CFAP251: variants seen among roughly 807,000 people sequenced by gnomAD.
The protein encoded by CFAP251 is cilia- and flagella-associated protein 251.
CFAP251 carries 93 observed loss-of-function variants against 126.7 expected under a neutral mutation model. The ratio of observed to expected loss-of-function variants is 0.73; its 90% confidence interval spans 0.62 to 0.87. The LOEUF (loss-of-function observed/expected upper bound fraction) is 0.87, where lower values mean the gene tolerates loss of function less well. CFAP251 is among the 40% of genes least tolerant of loss of function. CFAP251 has a pLI of 0.00. For missense variants in CFAP251, 1,287 were observed against 1,389.2 expected, an observed-to-expected ratio of 0.93 and a Z score of 1.17; for synonymous variants, 503 against 506.9, an observed-to-expected ratio of 0.99 and a Z score of 0.10.
chr12:121,929,816 T>C (rs1291047460), intron 3 of CFAP251, among the ~76,000 whole-genome samples: 7 of 152,072 alleles, frequency 4.6e-5, no homozygotes, highest in Non-Finnish European at 1.0e-4. Flanking sequence ...TAGCTGGGAT[T>C]ACAGGCATGC....
intron 19 of CFAP251, among the ~76,000 whole-genome samples, chr12:121,996,489 A>C (rs1455129865): frequency 6.6e-6 from 1 of 152,020 alleles, no homozygotes; most frequent in Non-Finnish European, 1.5e-5. Context: ...TTGTTTCTTT[A>C]TTTATTATAT....
At chr12:121,975,754 C>G (rs1176615590) in intron 19 of CFAP251, 69 bp downstream of exon 19, 1 of 1,488,168 alleles carries the variant, frequency 6.7e-7, no homozygotes, top group South Asian at 1.4e-5. Flanking sequence ...TGGGAACAAT[C>G]ATTATAGGTC....
At chr12:121,965,216 A>C (rs1386752803) in intron 15 of CFAP251, among the ~76,000 whole-genome samples, 2 of 152,254 alleles carry the variant, frequency 1.3e-5, no homozygotes, top group Admixed American at 6.5e-5. Flanking sequence ...CTAGTATGTC[A>C]AAGATGCAAA....
intron 13 of CFAP251, 94 bp downstream of exon 13, chr12:121,959,188 A>G (rs1881839908): frequency 6.9e-6 from 9 of 1,306,002 alleles, no homozygotes; most frequent in Admixed American, 5.1e-5. Flanking sequence ...TGTAATCCCA[A>G]TGATTTGGGA....
chr12:121,992,494 CG>C, intron 19 of CFAP251: 2 of 985,226 alleles, frequency 2.0e-6, no homozygotes, highest in Non-Finnish European at 2.4e-6. Context: ...TTCCTTTTGT[CG>C]TCTTAGTCTC....
chr12:121,995,405 AAC>A (rs1883000106), intron 19 of CFAP251, among the ~76,000 whole-genome samples: 1 of 152,256 alleles, frequency 6.6e-6, no homozygotes, highest in Non-Finnish European at 1.5e-5. Flanking sequence ...CTGTATATGA[AAC>A]AGTGTTACCA....
intron 3 of CFAP251, among the ~76,000 whole-genome samples, chr12:121,928,708 T>A (rs866342193): frequency 1.3e-4 from 16 of 127,416 alleles, no homozygotes; most frequent in Admixed American, 1.0e-3. Flanking sequence ...ATATATATTT[T>A]TTTTTTGAGA....
At position 121,975,559 on chromosome 12, in the gene CFAP251, C is replaced by T; in HGVS notation, c.2880C>T (p.Phe960=). The T allele has an allele frequency of 4.4e-6, 7 of 1,608,578 alleles. No homozygotes were observed. The highest frequency in any genetic ancestry group is 5.9e-6 in the Non-Finnish European group (7 of 1,178,700). The change falls in exon 19 of 22, where the codon TTC becomes TTT. Residue 960 remains phenylalanine, a synonymous_variant. Coordinates refer to ENST00000288912, the MANE Select transcript of CFAP251 (RefSeq NM_144668.6). The stretch of plus-strand genomic sequence containing the variant: ...CTACATAGGAGCTAGAAGACTACTT[C>T]TACTATTCTCAGCTCCGCAGTCAAG... ...GKFYRELEDY[F]YYSQLRSQGI... is the part of the protein sequence containing the mutation.
chr12:121,958,495 G>A lies in CFAP251; in HGVS notation c.1954G>A (p.Val652Ile), dbSNP rs1038038750. The A allele has an allele frequency of 6.2e-7, 1 of 1,614,206 alleles. No homozygotes were observed. Among genetic ancestry groups the A allele is most frequent in the East Asian group, 2.2e-5 (1 of 44,880 alleles). Residue 652 changes from valine (V) to isoleucine (I), a missense_variant, in exon 12 of 22, where the codon GTC becomes ATC. Transcript: ENST00000288912. ...CAGGGTTTTTGAGAAGGGGCTTGGA[G>A]TCCAGAGTCTGACCTACAACCCCGA... is the stretch of plus-strand genomic sequence containing the variant. ...FSRVFEKGLGVQSLTYNPEGA... is the reference protein window; with the variant it reads ...FSRVFEKGLGIQSLTYNPEGA...
chr12:121,929,757 A>G (rs1880603898), intron 3 of CFAP251, among the ~76,000 whole-genome samples: 1 of 151,214 alleles, frequency 6.6e-6, no homozygotes, highest in Non-Finnish European at 1.5e-5. Flanking sequence ...AGCTTGCTAT[A>G]ACCTCCGCCT....
intron 19 of CFAP251, among the ~76,000 whole-genome samples, chr12:121,995,972 T>A (rs1883013869): frequency 6.6e-6 from 1 of 152,148 alleles, no homozygotes; most frequent in East Asian, 1.9e-4. Flanking sequence ...ACCGAAATTG[T>A]GATTGGATGG....
intron 7 of CFAP251, among the ~76,000 whole-genome samples, chr12:121,947,032 G>A (rs975590232): frequency 2.0e-5 from 3 of 152,102 alleles, no homozygotes; most frequent in Admixed American, 2.0e-4. Context: ...CATTTCTTCT[G>A]CCACATTCTT....
chr12:122,001,586 T>C lies in CFAP251; in HGVS notation c.3325T>C (p.Cys1109Arg). 1.2e-6 allele frequency: 2 copies of C among 1,614,110 alleles called. No homozygotes were observed. Among genetic ancestry groups the C allele is most frequent in the South Asian group, 1.1e-5 (1 of 91,086 alleles). The change falls in exon 21 of 22, where the codon TGC becomes CGC. Residue 1109 changes from cysteine to arginine, a missense_variant. Cys to Arg is a radical substitution (Grantham distance 180, BLOSUM62 -3). Transcript: ENST00000288912. ...GGGATGGAAATCCGAGCCTGCAACC[T>C]GCTCCGTCAAAGGTACCCCAGCTGG... ...PEGWKSEPATCSVKGSEICLE... is the reference protein window; with the variant it reads ...PEGWKSEPATRSVKGSEICLE...
chr12:121,967,121 C>A, intron 16 of CFAP251, 52 bp downstream of exon 16: 1 of 1,515,702 alleles, frequency 6.6e-7, no homozygotes, highest in Non-Finnish European at 9.2e-7. Flanking sequence ...GTGTCATGAG[C>A]AGCAGTCATT....
At chr12:121,924,194 C>A (rs1043605565) in intron 3 of CFAP251, among the ~76,000 whole-genome samples, 2 of 152,038 alleles carry the variant, frequency 1.3e-5, no homozygotes, top group Admixed American at 1.3e-4. Context: ...ACTGCAGCCT[C>A]CACCTCCCAG....
At position 121,975,695 on chromosome 12, in the gene CFAP251, A is replaced by G. The variant is rs992895865; in HGVS notation, c.3006+10A>G. The G allele has an allele frequency of 6.4e-7, 1 of 1,552,458 alleles. No individual in the cohort carries two copies. The highest frequency in any genetic ancestry group is 1.2e-5 in the South Asian group (1 of 82,744). On this transcript the variant is annotated intron_variant, in intron 19 of 21. Transcript: ENST00000288912. ...CCCATCTGAAGAGAAGGTAGGGAGA[A>G]CGAAAACAAGAGCAGCAACGGGATG...
rs1882712856 is a variant in CFAP251, at chr12:121,985,051, CATT to C, written c.3006+9373_3006+9375del. Among the ~76,000 whole-genome samples, 3 of 152,290 alleles carry C rather than the reference CATT, an allele frequency of 2.0e-5. No individual in the cohort carries two copies. The South Asian group carries it at 6.2e-4, about 32-fold the overall frequency. Reference sequence around the variant, plus strand: ...ACAGTGAGGAAGACACAATCCCTGACATTATTATTTGATCTCAGTGTAATTCTT... The same window carrying C: ...ACAGTGAGGAAGACACAATCCCTGACATTATTTGATCTCAGTGTAATTCTT... On this transcript the variant is annotated intron_variant, in intron 19 of 21. Transcript: ENST00000288912.
intron 3 of CFAP251, among the ~76,000 whole-genome samples, chr12:121,929,147 C>T (rs1423893496): frequency 6.6e-6 from 1 of 151,644 alleles, no homozygotes; most frequent in Non-Finnish European, 1.5e-5. Context: ...ATGGTGAAAC[C>T]CTGTCTCTAC....
In CFAP251 at chr12:121,941,330, CTT is replaced by C. The variant is rs68005842; in HGVS notation, c.999-1184_999-1183del. Among the ~76,000 whole-genome samples, 837 of 87,654 alleles carry C rather than the reference CTT, an allele frequency of 9.5e-3. 8 individuals are homozygous for C. Among genetic ancestry groups the C allele is most frequent in the Middle Eastern group, 0.049 (5 of 102 alleles). 57.5% of individuals were successfully genotyped at this position (87,654 alleles called of 152,430 possible). On this transcript the variant is annotated intron_variant, in intron 5 of 21. Transcript: ENST00000288912. ...TACAGGTGTGAGCCACCATGCTGGC[CTT>C]TTTTTTTTTTTTTTTTTTTGAGGCA...
Sources: gnomAD v4.1 joint callset for allele counts (sites outside exome capture counted in the v4.1 genomes callset) on GRCh38, gnomAD v4.1.1 for gene constraint, MANE v1.5 for transcripts, NCBI Gene and HGNC (gene_info 2026-07-23, HGNC 2026-07-21) for gene names.